The following CREB3L3 variants were observed in gnomAD, a reference collection of about 807,000 sequenced individuals.
CREB3L3 encodes the protein cAMP responsive element binding protein 3 like 3.
CREB3L3 carries 40 observed loss-of-function variants against 44.6 expected under a neutral mutation model. That is an observed-to-expected ratio of 0.90 (90% CI 0.70 to 1.17). The LOEUF is 1.17. Ranked by LOEUF, CREB3L3 falls within the 50% of genes most tolerant of loss-of-function variation. The pLI is 0.00. For synonymous variants in CREB3L3, 273 were observed against 256.3 expected (o/e 1.06, Z -0.62); for missense variants, 578 against 595.8 (o/e 0.97, Z 0.31).
At position 4,172,029 on chromosome 19, in the gene CREB3L3, C is replaced by A; in HGVS notation, c.*60C>A. On this transcript the variant is annotated 3_prime_UTR_variant, in exon 10 of 10. Transcript: ENST00000078445. ...CCAGGGGTGCCTTGGGGATGCTGCA[C>A]TGGGCAGCTACCCACCTGGGGATGG... The A allele has an allele frequency of 6.8e-7, 1 of 1,477,706 alleles. No homozygotes were observed. The highest frequency in any genetic ancestry group is 9.0e-7 in the Non-Finnish European group (1 of 1,106,366). 91.5% of individuals were successfully genotyped at this position (1,477,706 alleles called of 1,614,324 possible). A position where few individuals can be genotyped will look rare whatever the true frequency, so the allele number is the denominator to read the frequency against.
chr19:4,168,844 G>C (rs778961465), intron 6 of CREB3L3, among the ~76,000 whole-genome samples: 8 of 152,066 alleles, frequency 5.3e-5, no homozygotes, highest in Non-Finnish European at 1.2e-4. Flanking sequence ...CGATTCTCCT[G>C]CCTCAGCCTC....
At chr19:4,167,591 G>A (rs908603178) in intron 5 of CREB3L3, among the ~76,000 whole-genome samples, 6 of 151,820 alleles carry the variant, frequency 4.0e-5, no homozygotes, top group East Asian at 1.9e-4. Context: ...AGAAAGAAAC[G>A]TAAGAAAGAA....
At chr19:4,153,987 C>T (rs1338576926) in intron 1 of CREB3L3, among the ~76,000 whole-genome samples, 2 of 152,192 alleles carry the variant, frequency 1.3e-5, no homozygotes, top group African/African-American at 2.4e-5. Context: ...GGAGCGGGCA[C>T]TTGGGGAGGC....
chr19:4,170,123 C>A lies in CREB3L3; in HGVS notation c.822-17C>A. On this transcript the variant is annotated splice_polypyrimidine_tract_variant and intron_variant, in intron 6 of 9. Transcript: ENST00000078445. ...GACTGGCATATGCTGAATGTCGATG[C>A]GTCTTCCTCCTTTCAGGATGTCAGC... The A allele has an allele frequency of 1.2e-6, 2 of 1,613,432 alleles. No individual in the cohort carries two copies. The highest frequency in any genetic ancestry group is 2.2e-5 in the South Asian group (2 of 91,076).
chr19:4,172,009 G>A lies in CREB3L3; in HGVS notation c.*40G>A, dbSNP rs1967062810. ...ATGCTCCCAGGCCCCTCTGCCCAGGGGTGCCTTGGGGATGCTGCACTGGGC... is the reference window on the plus strand; with the variant it reads ...ATGCTCCCAGGCCCCTCTGCCCAGGAGTGCCTTGGGGATGCTGCACTGGGC... On this transcript the variant is annotated 3_prime_UTR_variant, in exon 10 of 10. Coordinates refer to ENST00000078445, the MANE Select transcript of CREB3L3 (RefSeq NM_032607.3). The A allele has an allele frequency of 6.6e-7, 1 of 1,526,654 alleles. No homozygotes were observed. Among genetic ancestry groups the A allele is most frequent in the Non-Finnish European group, 8.8e-7 (1 of 1,138,076 alleles). The allele number at this position is 1,526,654 out of a possible 1,614,324, so 94.6% of individuals were successfully genotyped here. A position where few individuals can be genotyped will look rare whatever the true frequency, so the allele number is the denominator to read the frequency against.
intron 3 of CREB3L3, among the ~76,000 whole-genome samples, chr19:4,157,746 C>G (rs993293896): frequency 1.3e-5 from 2 of 151,998 alleles, no homozygotes; most frequent in African/African-American, 4.8e-5. Flanking sequence ...AGTAAAGTGG[C>G]GCGATCTCGG....
rs556644791 is a variant in CREB3L3 at position 4,158,422 on chromosome 19, G to A, written c.457+1127G>A. On this transcript the variant is annotated intron_variant, in intron 3 of 9. Coordinates refer to ENST00000078445, the MANE Select transcript of CREB3L3 (RefSeq NM_032607.3). ...TGAGGCAGGAGAATCACCTGAACCC[G>A]GGAGGCGGAGGTTGCAGTGAGCTGA... 9.2e-5 allele frequency among the ~76,000 whole-genome samples: 14 copies of A among 152,156 alleles called. No individual in the cohort carries two copies. In the East Asian group the frequency reaches 1.2e-3, roughly 13 times the overall value.
At chr19:4,156,124 CCT>C (rs1309420047) in intron 2 of CREB3L3, among the ~76,000 whole-genome samples, 136 of 109,126 alleles carry the variant, frequency 1.2e-3, no homozygotes, top group Admixed American at 3.4e-3. Flanking sequence ...TCTCTCCCCC[CCT>C]CTCTCTCTGT....
intron 5 of CREB3L3, among the ~76,000 whole-genome samples, chr19:4,167,533 G>GGAGA (rs1218115430): frequency 0.067 from 7,626 of 113,124 alleles, 463 homozygotes; most frequent in East Asian, 0.27. Context: ...AGGGAGAAAG[G>GGAGA]AAGGAAGGGA....
Position 4,171,146 on chromosome 19 carries a change from A to C in CREB3L3, c.946A>C (p.Lys316Gln). The C allele has an allele frequency of 1.9e-6, 3 of 1,614,122 alleles. No homozygotes were observed. In the South Asian group the frequency reaches 3.3e-5, roughly 18 times the overall value. ...GGCCATTGTGGTGCAGTCCACCAGC[A>C]AGTCAGCCCAGACAGGCACCTGTGT... Reference protein sequence around the residue: ...LQAIVVQSTSKSAQTGTCVAV... With the variant: ...LQAIVVQSTSQSAQTGTCVAV... Residue 316 changes from lysine to glutamine, a missense_variant, in exon 8 of 10, where the codon AAG becomes CAG. Coordinates refer to ENST00000078445, the MANE Select transcript of CREB3L3 (RefSeq NM_032607.3). The surrounding 1 kb of genome is among the most constrained non-coding windows in gnomAD (Gnocchi z 4.9).
intron 5 of CREB3L3, among the ~76,000 whole-genome samples, chr19:4,167,411 AAAAG>A (rs1966932905): frequency 6.8e-6 from 1 of 146,400 alleles, no homozygotes; most frequent in South Asian, 2.2e-4. Context: ...GAAAGAAAGG[AAAAG>A]AAAGAAAAGA....
At chr19:4,158,353 C>T (rs559212831) in intron 3 of CREB3L3, among the ~76,000 whole-genome samples, 6 of 151,646 alleles carry the variant, frequency 4.0e-5, no homozygotes, top group Admixed American at 2.6e-4. Flanking sequence ...CAAAATTAGC[C>T]GGGCATGGTG....
chr19:4,156,125 CTCT>C (rs2041571885), intron 2 of CREB3L3, among the ~76,000 whole-genome samples: 1 of 132,282 alleles, frequency 7.6e-6, no homozygotes, highest in African/African-American at 2.8e-5. Flanking sequence ...CTCTCCCCCC[CTCT>C]CTCTCTGTCT....
At chr19:4,169,106 T>C (rs1235822969) in intron 6 of CREB3L3, among the ~76,000 whole-genome samples, 1 of 151,982 alleles carries the variant, frequency 6.6e-6, no homozygotes, top group Non-Finnish European at 1.5e-5. Flanking sequence ...CCCACCACCC[T>C]ATGTCCTGGG....
In CREB3L3 at chr19:4,168,374, A is replaced by G. The variant is rs144487760; in HGVS notation, c.738A>G (p.Lys246=). The change falls in exon 6 of 10, where the codon AAA becomes AAG. Residue 246 remains lysine (K), a synonymous_variant. Coordinates refer to ENST00000078445, the MANE Select transcript of CREB3L3 (RefSeq NM_032607.3). ...LTKYEERVLK[K]IRRKIRNKQS... is the part of the protein sequence containing the mutation. ...AGTACGAGGAGCGAGTGCTGAAAAA[A>G]ATCCGCCGGAAAATCCGGAACAAGC... is the stretch of plus-strand genomic sequence containing the variant. The G allele has an allele frequency of 6.2e-7, 1 of 1,610,944 alleles. No homozygotes were observed. The highest frequency in any genetic ancestry group is 1.3e-5 in the African/African-American group (1 of 74,832).
chr19:4,155,339 C>G (rs930087143), intron 2 of CREB3L3, among the ~76,000 whole-genome samples: 1 of 151,594 alleles, frequency 6.6e-6, no homozygotes, highest in African/African-American at 2.4e-5. Context: ...TCTCCTTCCT[C>G]TCCTTCCTTT....
intron 4 of CREB3L3, among the ~76,000 whole-genome samples, chr19:4,162,221 G>C (rs1665098962): frequency 6.6e-6 from 1 of 151,930 alleles, no homozygotes; most frequent in South Asian, 2.1e-4. Context: ...GGTCAGGCTG[G>C]TCTCGATCTC....
At chr19:4,169,968 G>A (rs1013408287) in intron 6 of CREB3L3, among the ~76,000 whole-genome samples, 172 bp from the exon 7 acceptor site, 1 of 152,154 alleles carries the variant, frequency 6.6e-6, no homozygotes, top group Non-Finnish European at 1.5e-5. Context: ...CCAGGCAGAT[G>A]TGGGTTCAAA....
chr19:4,157,443 C>T lies in CREB3L3; in HGVS notation c.457+148C>T, dbSNP rs977336797. The T allele has an allele frequency of 7.0e-5, 60 of 852,118 alleles. No homozygotes were observed. The East Asian group carries it at 1.3e-3, about 18-fold the overall frequency. The allele number at this position is 852,118 out of a possible 1,614,324, so 52.8% of individuals were successfully genotyped here. ...TGGGCCCAGACTCAAACTCAGGACACGTGTCTCCCTTGGCTAGGTGTTTCC... is the reference window on the plus strand; with the variant it reads ...TGGGCCCAGACTCAAACTCAGGACATGTGTCTCCCTTGGCTAGGTGTTTCC... On this transcript the variant is annotated intron_variant, in intron 3 of 9. Transcript: ENST00000078445.
Sources: gnomAD v4.1 joint callset for allele counts (sites outside exome capture counted in the v4.1 genomes callset) on GRCh38, gnomAD v4.1.1 for gene constraint, Gnocchi (gnomAD v3.1) non-coding constraint, MANE v1.5 for transcripts, NCBI Gene and HGNC (gene_info 2026-07-23, HGNC 2026-07-21) for gene names.